CHN1: variants seen among roughly 807,000 people sequenced by gnomAD.
CHN1 encodes N-chimaerin.
In CHN1, 37 loss-of-function variants were observed where a neutral mutation model predicts 59.5. The observed-to-expected ratio is 0.62, with a 90% confidence interval of 0.48 to 0.82. CHN1 has a LOEUF of 0.82. Ranked by LOEUF, CHN1 falls within the 40% of genes least tolerant of loss-of-function variation. The pLI is 0.00. For missense variants in CHN1, 469 were observed against 571.0 expected (o/e 0.82, Z 1.82); for synonymous variants, 206 against 200.4 (o/e 1.03, Z -0.24).
intron 1 of CHN1, among the ~76,000 whole-genome samples, chr2:175,000,999 G>T (rs1005308430): frequency 6.6e-6 from 1 of 152,170 alleles, no homozygotes; most frequent in African/African-American, 2.4e-5. Context: ...TGCAACTACA[G>T]TCTTGAACTT....
At chr2:174,838,769 C>A (rs986211815) in intron 7 of CHN1, among the ~76,000 whole-genome samples, 1 of 151,954 alleles carries the variant, frequency 6.6e-6, no homozygotes, top group Admixed American at 6.6e-5. Flanking sequence ...AATCCCAGCA[C>A]TTTGGGAGGC....
chr2:174,980,339 T>C (rs1228405157), intron 1 of CHN1, among the ~76,000 whole-genome samples: 1 of 152,222 alleles, frequency 6.6e-6, no homozygotes, highest in African/African-American at 2.4e-5. Flanking sequence ...AGCAGTTTAA[T>C]TTCCTGCTAT....
In CHN1 at chr2:174,847,773, CAAAAAAAAAAAAAAA is replaced by C. The variant is rs71031072; in HGVS notation, c.550-831_550-817del. 401 of 238,428 alleles carry C rather than the reference CAAAAAAAAAAAAAAA, an allele frequency of 1.7e-3. 6 individuals are homozygous for C. The African/African-American group carries it at 0.023, about 14-fold the overall frequency. 14.8% of individuals were successfully genotyped at this position (238,428 alleles called of 1,614,324 possible). ...AAGTAAGTTTCTTGCTGGCTCAAGG[CAAAAAAAAAAAAAAA>C]AAAAAAAAAAAAATCAGTGGGAAGG... On this transcript the variant is annotated intron_variant, in intron 6 of 12. Coordinates refer to ENST00000409900, the MANE Select transcript of CHN1 (RefSeq NM_001822.7).
intron 7 of CHN1, among the ~76,000 whole-genome samples, chr2:174,827,654 G>C (rs538681718): frequency 1.3e-5 from 2 of 152,312 alleles, no homozygotes; most frequent in East Asian, 3.9e-4. Context: ...AGACTAGGTA[G>C]GGTGGTGCTA....
chr2:174,831,631 A>G (rs988590370), intron 7 of CHN1, among the ~76,000 whole-genome samples: 1 of 152,182 alleles, frequency 6.6e-6, no homozygotes, highest in African/African-American at 2.4e-5. Context: ...ATGAGTATTT[A>G]GAGTATTATA....
chr2:174,875,417 T>C (rs1687538016), intron 6 of CHN1, among the ~76,000 whole-genome samples: 2 of 152,208 alleles, frequency 1.3e-5, no homozygotes, highest in African/African-American at 4.8e-5. Flanking sequence ...TTGGTACTAT[T>C]GTTGTCCTTC....
At chr2:174,948,289 T>A (rs1002904380) in intron 2 of CHN1, among the ~76,000 whole-genome samples, 2 of 152,024 alleles carry the variant, frequency 1.3e-5, no homozygotes, top group African/African-American at 4.8e-5. Context: ...GAACCCAGAG[T>A]CTAACATGAC....
At chr2:174,970,047 C>T (rs1273746460) in intron 1 of CHN1, among the ~76,000 whole-genome samples, 4 of 152,190 alleles carry the variant, frequency 2.6e-5, no homozygotes, top group Non-Finnish European at 4.4e-5. Context: ...CACTGTACTT[C>T]ACCAGTACAC....
At chr2:174,967,471 T>C (rs1454504155) in intron 1 of CHN1, among the ~76,000 whole-genome samples, 3 of 152,236 alleles carry the variant, frequency 2.0e-5, no homozygotes, top group Admixed American at 6.5e-5. Context: ...ATATGCTTGA[T>C]GAACATTTTT....
intron 8 of CHN1, among the ~76,000 whole-genome samples, chr2:174,820,504 T>C (rs557495554): frequency 6.6e-6 from 1 of 152,346 alleles, no homozygotes; most frequent in South Asian, 2.1e-4. Flanking sequence ...CCATTCCCAA[T>C]CTGCAGTTAG....
At chr2:174,826,258 C>A (rs1276734770) in intron 7 of CHN1, among the ~76,000 whole-genome samples, 1 of 152,172 alleles carries the variant, frequency 6.6e-6, no homozygotes, top group African/African-American at 2.4e-5. Flanking sequence ...AAGTAGAGCC[C>A]AAGATCAACA....
intron 5 of CHN1, among the ~76,000 whole-genome samples, chr2:174,909,576 C>T (rs1320770380): frequency 6.6e-6 from 1 of 152,204 alleles, no homozygotes; most frequent in Admixed American, 6.5e-5. Flanking sequence ...ATTCTGATTG[C>T]ACTGGCAGCC....
chr2:174,846,453 A>C, intron 7 of CHN1: 1 of 1,524,054 alleles, frequency 6.6e-7, no homozygotes, highest in Non-Finnish European at 8.8e-7. Flanking sequence ...AGAAATGCAA[A>C]CCATCTGCTC....
At chr2:174,812,539 T>G in intron 8 of CHN1, 57 bp from the exon 9 acceptor site, 2 of 1,569,794 alleles carry the variant, frequency 1.3e-6, no homozygotes, top group Non-Finnish European at 1.7e-6. Flanking sequence ...TTTTGAGCAT[T>G]CTGGAGTGTT....
chr2:174,988,227 C>CAG (rs1691416381), intron 1 of CHN1, among the ~76,000 whole-genome samples: 1 of 151,238 alleles, frequency 6.6e-6, no homozygotes, highest in Non-Finnish European at 1.5e-5. Context: ...CATGGTGGTG[C>CAG]GCGCCTGTAG....
At chr2:174,847,540 C>A (rs1686568364) in intron 6 of CHN1, 2 of 1,247,930 alleles carry the variant, frequency 1.6e-6, no homozygotes, top group Non-Finnish European at 2.1e-6. Context: ...ATGAAAGATG[C>A]CTACATACTG....
At chr2:174,919,835 T>A (rs1688956109) in intron 3 of CHN1, among the ~76,000 whole-genome samples, 1 of 152,156 alleles carries the variant, frequency 6.6e-6, no homozygotes, top group African/African-American at 2.4e-5. Context: ...TACATTGTTA[T>A]TAACTATAGT....
At chr2:174,801,892 T>C in intron 11 of CHN1, 80 bp from the exon 12 acceptor site, 1 of 1,044,042 alleles carries the variant, frequency 9.6e-7, no homozygotes, top group Non-Finnish European at 1.5e-6. Context: ...TCTATTCTTG[T>C]GATAATGCTC....
chr2:174,845,459 T>C (rs2105433610), intron 7 of CHN1, among the ~76,000 whole-genome samples: 1 of 152,242 alleles, frequency 6.6e-6, no homozygotes, highest in Non-Finnish European at 1.5e-5. Context: ...CCTAGAAGCC[T>C]GAATGTATTG....
Sources: allele counts gnomAD v4.1 joint callset (sites outside exome capture counted in the v4.1 genomes callset), GRCh38; gene constraint gnomAD v4.1.1; transcripts MANE v1.5; gene names NCBI Gene and HGNC (gene_info 2026-07-23, HGNC 2026-07-21).